Variants in RAPGEF5 observed in about 807,000 individuals in gnomAD.
RAPGEF5 encodes Rap guanine nucleotide exchange factor 5, also known as M-Ras-regulated GEF.
Under a neutral mutation model 125.2 loss-of-function variants are expected in RAPGEF5, and 65 were observed. The ratio of observed to expected loss-of-function variants is 0.52; its 90% CI spans 0.43 to 0.64. The LOEUF is 0.64. Ranked by LOEUF, RAPGEF5 falls within the 30% of genes least tolerant of loss-of-function variation. The probability of loss-of-function intolerance (pLI) is 0.00; values close to 1 mark genes in which losing one functional copy is unlikely to be tolerated. For missense variants in RAPGEF5, 958 were observed against 1,048.1 expected (o/e 0.91, Z 1.19); for synonymous variants, 391 against 385.9 (o/e 1.01, Z -0.16).
intron 6 of RAPGEF5, among the ~76,000 whole-genome samples, chr7:22,267,770 A>G (rs1310466076): frequency 6.6e-6 from 1 of 152,226 alleles, no homozygotes; most frequent in East Asian, 1.9e-4. Context: ...AGGTATCAAT[A>G]AAAATTCCAT....
chr7:22,245,586 G>C (rs958456043), intron 7 of RAPGEF5, among the ~76,000 whole-genome samples: 1 of 151,996 alleles, frequency 6.6e-6, no homozygotes, highest in Non-Finnish European at 1.5e-5. Context: ...TATTTTTCAA[G>C]TCCATGTTGA....
intron 5 of RAPGEF5, among the ~76,000 whole-genome samples, chr7:22,295,765 TA>T (rs568033391): frequency 6.2e-4 from 90 of 144,116 alleles, no homozygotes; most frequent in Middle Eastern, 3.6e-3. Flanking sequence ...TGAAAAATAC[TA>T]AAAAAAAAAA....
chr7:22,251,023 T>A (rs1469536938), intron 7 of RAPGEF5, among the ~76,000 whole-genome samples: 2 of 152,282 alleles, frequency 1.3e-5, no homozygotes, highest in East Asian at 3.9e-4. Flanking sequence ...CAGAATTTCA[T>A]AACTCTATAA....
rs1333231576 is a variant in RAPGEF5 at position 22,218,791 on chromosome 7, C to T, written c.996+1075G>A. 4.6e-5 allele frequency among the ~76,000 whole-genome samples: 7 copies of T among 152,218 alleles called. No homozygotes were observed. In the South Asian group the frequency reaches 1.4e-3, roughly 32 times the overall value. On this transcript the variant is annotated intron_variant, in intron 9 of 25. Coordinates refer to ENST00000665637, the MANE Select transcript of RAPGEF5 (RefSeq NM_012294.5). The stretch of plus-strand genomic sequence containing the variant: ...AGGTTGCCTGAGACCTACATCCACA[C>T]TTAAAGTCAATAGTCGCCTCTGAAA...
At chr7:22,350,026 A>G (rs1480238234) in intron 1 of RAPGEF5, among the ~76,000 whole-genome samples, 1 of 152,234 alleles carries the variant, frequency 6.6e-6, no homozygotes, top group Non-Finnish European at 1.5e-5. Flanking sequence ...GCCACAACAA[A>G]TTAAGTCATT....
intron 6 of RAPGEF5, among the ~76,000 whole-genome samples, chr7:22,278,988 C>G (rs991323981): frequency 6.6e-6 from 1 of 152,020 alleles, no homozygotes; most frequent in African/African-American, 2.4e-5. Context: ...GCACACAGAT[C>G]TCTTATATGT....
intron 5 of RAPGEF5, chr7:22,298,818 T>C (rs1562516108): frequency 6.6e-6 from 1 of 152,254 alleles, no homozygotes; most frequent in Admixed American, 6.5e-5. Flanking sequence ...CAGATTCTTG[T>C]TGAAGGACCA....
intron 6 of RAPGEF5, 22 bp from the exon 7 acceptor site, chr7:22,267,034 A>G (rs747665829): frequency 7.6e-6 from 12 of 1,585,980 alleles, no homozygotes; most frequent in Non-Finnish European, 9.5e-6. Flanking sequence ...TTAGGGGGGA[A>G]AATCAAATTA....
chr7:22,142,321 T>A lies in RAPGEF5; in HGVS notation c.2187-2206A>T, dbSNP rs62447963. Among the ~76,000 whole-genome samples the A allele has an allele frequency of 6.4e-3, 971 of 152,314 alleles. 7 individuals carry two copies. The highest frequency in any genetic ancestry group is 0.01 in the Middle Eastern group (3 of 294). ...ACACAAGAAGCCTTTTAAACAGCAT[T>A]TGCTGAAGTAGAAAACAAGAACTTC... On this transcript the variant is annotated intron_variant, in intron 20 of 25. Transcript: ENST00000665637.
At chr7:22,163,812 G>C (rs1028611823) in intron 12 of RAPGEF5, among the ~76,000 whole-genome samples, 1 of 152,052 alleles carries the variant, frequency 6.6e-6, no homozygotes, top group African/African-American at 2.4e-5. Flanking sequence ...GAGGGTTGTT[G>C]GACAGCATTA....
intron 24 of RAPGEF5, among the ~76,000 whole-genome samples, chr7:22,126,859 A>G (rs1782761538): frequency 6.6e-6 from 1 of 151,978 alleles, no homozygotes. Flanking sequence ...CTGACCTCAG[A>G]TAATCCAACC....
At chr7:22,349,180 T>G (rs925636563) in intron 1 of RAPGEF5, among the ~76,000 whole-genome samples, 1 of 150,870 alleles carries the variant, frequency 6.6e-6, no homozygotes, top group Non-Finnish European at 1.5e-5. Flanking sequence ...TCCCAGCACT[T>G]TGGGAGGCTG....
chr7:22,288,774 G>A (rs1380291955), intron 6 of RAPGEF5, among the ~76,000 whole-genome samples: 4 of 152,040 alleles, frequency 2.6e-5, no homozygotes, highest in Admixed American at 6.6e-5. Context: ...CTTTGTGTTC[G>A]TTTTTGAAGT....
At chr7:22,314,846 T>C (rs1020233120) in intron 3 of RAPGEF5, among the ~76,000 whole-genome samples, 5 of 152,166 alleles carry the variant, frequency 3.3e-5, no homozygotes. Context: ...AGCTGTACTT[T>C]AAAACTGGCC....
At chr7:22,307,281 C>G (rs1216200659) in intron 5 of RAPGEF5, among the ~76,000 whole-genome samples, 2 of 151,972 alleles carry the variant, frequency 1.3e-5, no homozygotes, top group Non-Finnish European at 2.9e-5. Context: ...CTGGTTAGTT[C>G]CTAGGTATTT....
intron 9 of RAPGEF5, among the ~76,000 whole-genome samples, chr7:22,198,036 C>T (rs192344346): frequency 3.3e-5 from 5 of 152,186 alleles, no homozygotes; most frequent in African/African-American, 9.6e-5. Context: ...ACTACAGGCA[C>T]ACACCACCAG....
At chr7:22,278,775 T>C (rs1782612865) in intron 6 of RAPGEF5, among the ~76,000 whole-genome samples, 1 of 150,188 alleles carries the variant, frequency 6.7e-6, no homozygotes, top group African/African-American at 2.5e-5. Flanking sequence ...GTACAGAATA[T>C]AAAATAATAA....
intron 1 of RAPGEF5, among the ~76,000 whole-genome samples, chr7:22,326,005 T>C (rs573843741): frequency 6.6e-6 from 1 of 152,346 alleles, no homozygotes; most frequent in South Asian, 2.1e-4. Context: ...CCCACATTAC[T>C]CACAGGTCAG....
intron 8 of RAPGEF5, among the ~76,000 whole-genome samples, chr7:22,228,674 ATTTT>A (rs11291130): frequency 1.4e-5 from 2 of 144,164 alleles, no homozygotes; most frequent in Non-Finnish European, 1.5e-5. Context: ...CGCCCAGCTA[ATTTT>A]TTTTTTTTTT....
Sources: allele counts gnomAD v4.1 joint callset (sites outside exome capture counted in the v4.1 genomes callset), GRCh38; gene constraint gnomAD v4.1.1; transcripts MANE v1.5; gene names NCBI Gene and HGNC (gene_info 2026-07-23, HGNC 2026-07-21).